TDRD7: variants seen among roughly 807,000 people sequenced by gnomAD.
The protein encoded by TDRD7 is tudor domain containing 7.
Under a neutral mutation model 109.8 loss-of-function variants are expected in TDRD7, and 47 were observed. That is an observed-to-expected ratio of 0.43 (90% confidence interval 0.34 to 0.55). The LOEUF is 0.55. Ranked by LOEUF, TDRD7 falls within the 20% of genes least tolerant of loss-of-function variation. TDRD7 has a pLI of 0.03. For missense variants in TDRD7, 1,164 were observed against 1,319.2 expected (o/e 0.88, Z 1.82); for synonymous variants, 424 against 457.3 (o/e 0.93, Z 0.93).
intron 3 of TDRD7, among the ~76,000 whole-genome samples, chr9:97,431,630 G>C (rs1406129518): frequency 6.6e-6 from 1 of 152,102 alleles, no homozygotes; most frequent in Non-Finnish European, 1.5e-5. Flanking sequence ...TTAGGACAAG[G>C]GAGCAATCAT....
At chr9:97,477,513 G>A (rs1428253398) in intron 12 of TDRD7, among the ~76,000 whole-genome samples, 2 of 152,042 alleles carry the variant, frequency 1.3e-5, no homozygotes, top group East Asian at 1.9e-4. Flanking sequence ...GCAGAAAGAA[G>A]CCTTCTTAGT....
intron 6 of TDRD7, among the ~76,000 whole-genome samples, chr9:97,442,357 TTTATA>T (rs1263209680): frequency 1.3e-5 from 2 of 152,112 alleles, no homozygotes; most frequent in African/African-American, 2.4e-5. Flanking sequence ...AATAATAGTG[TTTATA>T]TTATAATTTT....
chr9:97,430,169 C>CT (rs1186205774), intron 2 of TDRD7, among the ~76,000 whole-genome samples: 1 of 152,180 alleles, frequency 6.6e-6, no homozygotes, highest in Non-Finnish European at 1.5e-5. Context: ...CCAGTAGTCT[C>CT]TATCTTCAAA....
chr9:97,424,920 C>G (rs769641116), intron 1 of TDRD7, among the ~76,000 whole-genome samples: 1 of 151,502 alleles, frequency 6.6e-6, no homozygotes, highest in Non-Finnish European at 1.5e-5. Flanking sequence ...TTACATTTTA[C>G]CTTTACTACT....
intron 12 of TDRD7, among the ~76,000 whole-genome samples, chr9:97,475,932 G>A (rs1829010729): frequency 6.6e-6 from 1 of 152,164 alleles, no homozygotes; most frequent in Non-Finnish European, 1.5e-5. Flanking sequence ...GATGTGTGCA[G>A]CTGTAGTTCA....
At chr9:97,472,127 C>T (rs1197390295) in intron 9 of TDRD7, among the ~76,000 whole-genome samples, 166 bp from the exon 10 acceptor site, 1 of 151,824 alleles carries the variant, frequency 6.6e-6, no homozygotes, top group Non-Finnish European at 1.5e-5. Context: ...TTTTTTAAAA[C>T]CTAAGAGGTA....
chr9:97,444,592 A>C (rs780671972), intron 6 of TDRD7, among the ~76,000 whole-genome samples: 1 of 152,246 alleles, frequency 6.6e-6, no homozygotes, highest in South Asian at 2.1e-4. Context: ...AAGGCAGTGC[A>C]AAAAGTTTAG....
At chr9:97,462,730 G>A (rs779237289) in intron 7 of TDRD7, among the ~76,000 whole-genome samples, 7 of 152,080 alleles carry the variant, frequency 4.6e-5, no homozygotes, top group East Asian at 3.9e-4. Context: ...CCTCATTCTC[G>A]TCATTACCCA....
intron 16 of TDRD7, among the ~76,000 whole-genome samples, chr9:97,495,213 C>T (rs1323859411): frequency 6.6e-6 from 1 of 151,966 alleles, no homozygotes; most frequent in Non-Finnish European, 1.5e-5. Flanking sequence ...TCCCACGATG[C>T]TGTGTATAAT....
At chr9:97,439,705 T>G (rs1281340016) in intron 5 of TDRD7, among the ~76,000 whole-genome samples, 4 of 152,192 alleles carry the variant, frequency 2.6e-5, no homozygotes, top group Non-Finnish European at 5.9e-5. Flanking sequence ...GACTTAAATT[T>G]ATAAAAGAGT....
intron 6 of TDRD7, among the ~76,000 whole-genome samples, chr9:97,445,971 A>G (rs1587870645): frequency 6.6e-6 from 1 of 152,108 alleles, no homozygotes; most frequent in African/African-American, 2.4e-5. Flanking sequence ...ACAAAAAATA[A>G]ATTTAAAAAA....
intron 8 of TDRD7, among the ~76,000 whole-genome samples, chr9:97,470,299 G>C (rs1012676013): frequency 2.0e-5 from 3 of 152,198 alleles, no homozygotes; most frequent in Non-Finnish European, 2.9e-5. Flanking sequence ...TGGCAGGGCT[G>C]AGCAGTCTTG....
chr9:97,479,024 T>G (rs551300287), intron 13 of TDRD7, among the ~76,000 whole-genome samples: 1 of 152,352 alleles, frequency 6.6e-6, no homozygotes, highest in Non-Finnish European at 1.5e-5. Context: ...GGCTGATCCT[T>G]TCTTTATTCA....
chr9:97,457,046 C>T (rs1828627398), intron 6 of TDRD7, among the ~76,000 whole-genome samples: 2 of 152,140 alleles, frequency 1.3e-5, no homozygotes, highest in African/African-American at 4.8e-5. Context: ...GACATTTACA[C>T]AGCCAACAAA....
Position 97,460,749 on chromosome 9 carries a change from A to G in TDRD7, c.1427A>G (p.Asn476Ser). The G allele has an allele frequency of 6.2e-7, 1 of 1,614,086 alleles. No homozygotes were observed. The highest frequency in any genetic ancestry group is 1.1e-5 in the South Asian group (1 of 91,078). ...SVLVVELSNT[N>S]EVVIRYVGKD... ...TTGGTGGTTGAACTGAGCAACACAA[A>G]TGAAGTGGTTATCAGGCAAGTTTCA... is the stretch of plus-strand genomic sequence containing the variant. Residue 476 changes from asparagine to serine, a missense_variant, in exon 7 of 17, where the codon AAT becomes AGT. By Grantham distance (46) the Asn-to-Ser change is conservative. Coordinates refer to ENST00000355295, the MANE Select transcript of TDRD7 (RefSeq NM_014290.3).
chr9:97,482,976 A>T lies in TDRD7; in HGVS notation c.2540A>T (p.Asp847Val). ...TNADLWKHQKDVFLSAISSGA... is the reference protein window; with the variant it reads ...TNADLWKHQKVVFLSAISSGA... ...GCAGACTTGTGGAAGCATCAGAAGG[A>T]TGTGTTTTTGAGTGCCATATCCAGT... Residue 847 changes from aspartate (D) to valine (V), a missense_variant, in exon 15 of 17, where the codon GAT becomes GTT. By Grantham distance (152) the Asp-to-Val change is radical (BLOSUM62 -3). Transcript: ENST00000355295. 3 of 1,614,214 alleles carry T rather than the reference A, an allele frequency of 1.9e-6. No homozygotes were observed. The highest frequency in any genetic ancestry group is 2.2e-5 in the South Asian group (2 of 91,090).
chr9:97,429,599 C>T (rs1828065561), intron 2 of TDRD7, among the ~76,000 whole-genome samples: 1 of 152,098 alleles, frequency 6.6e-6, no homozygotes, highest in Non-Finnish European at 1.5e-5. Context: ...TAATAATTTT[C>T]CTAAGGAGAA....
intron 1 of TDRD7, among the ~76,000 whole-genome samples, chr9:97,424,052 T>C (rs1827944578): frequency 1.0e-4 from 3 of 29,972 alleles, no homozygotes; most frequent in Non-Finnish European, 2.6e-4. Context: ...TTATATTCTT[T>C]TTTTTTTTTT....
intron 1 of TDRD7, among the ~76,000 whole-genome samples, chr9:97,424,128 A>G (rs910960409): frequency 2.3e-5 from 3 of 130,938 alleles, no homozygotes; most frequent in African/African-American, 8.9e-5. Context: ...ATTTTGGCTC[A>G]CTGCAACCTC....
Sources: allele counts gnomAD v4.1 joint callset (sites outside exome capture counted in the v4.1 genomes callset), GRCh38; gene constraint gnomAD v4.1.1; transcripts MANE v1.5; gene names NCBI Gene and HGNC (gene_info 2026-07-23, HGNC 2026-07-21).